GRID1: variants seen among roughly 807,000 people sequenced by gnomAD.
GRID1 encodes the protein glutamate receptor ionotropic, delta-1.
A neutral mutation model predicts 98.0 loss-of-function variants in GRID1; 28 were observed. The ratio of observed to expected loss-of-function variants is 0.29; its 90% CI spans 0.21 to 0.39. The LOEUF (loss-of-function observed/expected upper bound fraction) is 0.39. GRID1 is among the 10% of genes least tolerant of loss of function. GRID1 has a pLI of 1.00. For synonymous variants in GRID1, 553 were observed against 538.5 expected, an observed-to-expected ratio of 1.03 and a Z score of -0.37; for missense variants, 1,111 against 1,340.5, an observed-to-expected ratio of 0.83 and a Z score of 2.67.
chr10:86,189,793 G>A (rs1160423681), intron 3 of GRID1, among the ~76,000 whole-genome samples: 1 of 152,136 alleles, frequency 6.6e-6, no homozygotes, highest in Non-Finnish European at 1.5e-5. Flanking sequence ...AATGTCCCCA[G>A]ACGCTGCCAA....
intron 4 of GRID1, among the ~76,000 whole-genome samples, chr10:86,088,782 G>A (rs1844101299): frequency 6.6e-6 from 1 of 152,140 alleles, no homozygotes. Flanking sequence ...ACCAGCTCAG[G>A]ACCTCAGGAC....
chr10:85,695,673 C>T (rs1841384991), intron 12 of GRID1, among the ~76,000 whole-genome samples: 1 of 152,096 alleles, frequency 6.6e-6, no homozygotes, highest in Non-Finnish European at 1.5e-5. Context: ...AAAAGATGTC[C>T]TGTCAACGCT....
At chr10:85,703,894 C>T (rs1158134584) in intron 12 of GRID1, among the ~76,000 whole-genome samples, 1 of 151,992 alleles carries the variant, frequency 6.6e-6, no homozygotes, top group South Asian at 2.1e-4. Flanking sequence ...ATGTTTAGTG[C>T]TTCTTTCAGG....
At chr10:85,708,355 G>C (rs1254778046) in intron 12 of GRID1, among the ~76,000 whole-genome samples, 1 of 150,904 alleles carries the variant, frequency 6.6e-6, no homozygotes, top group Non-Finnish European at 1.5e-5. Flanking sequence ...AGTGAGCCGA[G>C]ATTGTGCCAC....
chr10:85,964,921 A>T (rs1322729798), intron 4 of GRID1, among the ~76,000 whole-genome samples: 1 of 152,238 alleles, frequency 6.6e-6, no homozygotes, highest in East Asian at 1.9e-4. Context: ...CAGAATCTAC[A>T]AGGAGCTGAA....
At chr10:86,126,499 C>A (rs1844756012) in intron 4 of GRID1, among the ~76,000 whole-genome samples, 1 of 152,110 alleles carries the variant, frequency 6.6e-6, no homozygotes, top group South Asian at 2.1e-4. Context: ...ACTCCTAGGA[C>A]CACTGTGCTA....
intron 4 of GRID1, among the ~76,000 whole-genome samples, chr10:85,982,830 T>A (rs2131862423): frequency 6.6e-6 from 1 of 152,234 alleles, no homozygotes; most frequent in African/African-American, 2.4e-5. Context: ...CTATTGTCAC[T>A]GAAAAAGAAA....
chr10:85,821,736 C>T (rs1472526973), intron 8 of GRID1, among the ~76,000 whole-genome samples: 4 of 151,874 alleles, frequency 2.6e-5, no homozygotes, highest in African/African-American at 9.7e-5. Context: ...CAAGTCAATC[C>T]TAAGCCAAAA....
At chr10:85,819,773 C>T (rs1842746004) in intron 8 of GRID1, among the ~76,000 whole-genome samples, 1 of 151,736 alleles carries the variant, frequency 6.6e-6, no homozygotes, top group African/African-American at 2.4e-5. Context: ...AATTAGCCAG[C>T]CATGGTGGTG....
chr10:86,197,246 G>A lies in GRID1; in HGVS notation c.520+9118C>T, dbSNP rs565344970. The stretch of plus-strand genomic sequence containing the variant: ...AGCCCCGAAGGTGCAGCTTGCAGAC[G>A]TCTGCACGTGCAGGAAGAGTGTCCC... On this transcript the variant is annotated intron_variant, in intron 3 of 15. Transcript: ENST00000327946. Among the ~76,000 whole-genome samples the A allele has an allele frequency of 8.5e-5, 13 of 152,282 alleles. No individual in the cohort carries two copies. In the South Asian group the frequency reaches 2.7e-3, roughly 32 times the overall value.
At chr10:86,214,641 T>C (rs772528716) in intron 2 of GRID1, among the ~76,000 whole-genome samples, 1 of 152,086 alleles carries the variant, frequency 6.6e-6, no homozygotes, top group Non-Finnish European at 1.5e-5. Flanking sequence ...GGTGGGCAGA[T>C]TGCCTGAGCT....
chr10:86,204,486 G>C (rs1392998957), intron 3 of GRID1, among the ~76,000 whole-genome samples: 1 of 152,252 alleles, frequency 6.6e-6, no homozygotes, highest in Non-Finnish European at 1.5e-5. Flanking sequence ...CAAGCTGCCA[G>C]CTCTGTAGGA....
At chr10:85,764,571 A>G (rs892171280) in intron 8 of GRID1, among the ~76,000 whole-genome samples, 2 of 152,198 alleles carry the variant, frequency 1.3e-5, no homozygotes, top group African/African-American at 4.8e-5. Flanking sequence ...TACAGGGCCC[A>G]GGAAATGATG....
intron 3 of GRID1, among the ~76,000 whole-genome samples, chr10:86,157,117 G>A (rs902201877): frequency 2.0e-5 from 3 of 152,142 alleles, no homozygotes; most frequent in Admixed American, 6.5e-5. Flanking sequence ...GTGAATCCAC[G>A]AAACAGAGAA....
intron 3 of GRID1, among the ~76,000 whole-genome samples, chr10:86,149,470 G>A (rs1426521502): frequency 6.6e-6 from 1 of 152,166 alleles, no homozygotes; most frequent in East Asian, 1.9e-4. Flanking sequence ...CACACCCCCT[G>A]CCTGGGGCAC....
intron 2 of GRID1, among the ~76,000 whole-genome samples, chr10:86,240,756 A>G (rs527839380): frequency 6.6e-6 from 1 of 152,322 alleles, no homozygotes; most frequent in South Asian, 2.1e-4. Context: ...GGTGAACCTA[A>G]CAACATGTGG....
chr10:86,177,813 G>C (rs546266013), intron 3 of GRID1, among the ~76,000 whole-genome samples: 4 of 152,152 alleles, frequency 2.6e-5, no homozygotes, highest in Middle Eastern at 3.4e-3. Context: ...AGACTTTAGC[G>C]TATGCACGCG....
intron 8 of GRID1, among the ~76,000 whole-genome samples, chr10:85,750,146 C>CA (rs1842032836): frequency 6.6e-6 from 1 of 152,162 alleles, no homozygotes; most frequent in Non-Finnish European, 1.5e-5. Context: ...TAAAGATATG[C>CA]ATACCTATTT....
At chr10:85,644,520 C>T (rs1428026362) in intron 13 of GRID1, among the ~76,000 whole-genome samples, 2 of 152,160 alleles carry the variant, frequency 1.3e-5, no homozygotes, top group East Asian at 1.9e-4. Context: ...TTTTATTTTA[C>T]TCAATATTAT....
Sources: gnomAD v4.1 joint callset for allele counts (sites outside exome capture counted in the v4.1 genomes callset) on GRCh38, gnomAD v4.1.1 for gene constraint, MANE v1.5 for transcripts, NCBI Gene and HGNC (gene_info 2026-07-23, HGNC 2026-07-21) for gene names.